The following AP3B1 variants were observed in gnomAD, a reference collection of about 807,000 sequenced individuals.
AP3B1 encodes the protein AP-3 complex subunit beta-1.
In AP3B1, 61 loss-of-function variants were observed where a neutral mutation model predicts 132.5. The ratio of observed to expected loss-of-function variants is 0.46; its 90% CI spans 0.37 to 0.57. AP3B1 has a LOEUF of 0.57. Ranked by LOEUF, AP3B1 falls within the 20% of genes least tolerant of loss-of-function variation. The pLI is 0.00. For missense variants in AP3B1, 1,120 were observed against 1,289.4 expected (o/e 0.87, Z 2.01); for synonymous variants, 388 against 438.3 (o/e 0.89, Z 1.43).
intron 2 of AP3B1, among the ~76,000 whole-genome samples, chr5:78,248,146 C>T (rs1247314832): frequency 2.0e-5 from 3 of 151,986 alleles, no homozygotes. Flanking sequence ...AATACAGAAA[C>T]AGCAAACCTT....
Position 78,181,669 on chromosome 5 carries a change from T to A in AP3B1, c.787-7A>T, listed in dbSNP as rs200438231. On this transcript the variant is annotated splice_region_variant and splice_polypyrimidine_tract_variant and intron_variant, in intron 7 of 26. Transcript: ENST00000255194. ...TGTCTTCTAATTCATCACCCTACAA[T>A]GAAAGAAATCCAACCCAAGATTACT... 6.2e-7 allele frequency: 1 copy of A among 1,610,662 alleles called. No individual in the cohort carries two copies. The highest frequency in any genetic ancestry group is 1.3e-5 in the African/African-American group (1 of 74,904).
At chr5:78,221,331 T>C (rs1234464035) in intron 6 of AP3B1, among the ~76,000 whole-genome samples, 5 of 151,792 alleles carry the variant, frequency 3.3e-5, no homozygotes, top group Non-Finnish European at 7.4e-5. Flanking sequence ...ACAATTCAAC[T>C]GGCAAAAATT....
rs576393149 is a variant in AP3B1 at position 78,196,000 on chromosome 5, T to C, written c.787-14338A>G. On this transcript the variant is annotated intron_variant, in intron 7 of 26. Transcript: ENST00000255194. The stretch of plus-strand genomic sequence containing the variant: ...ACTTTTAGATACAATACAAAAGACA[T>C]GGATCTGTGGAAGAAATAATTGATA... Among the ~76,000 whole-genome samples, 7 of 152,220 alleles carry C rather than the reference T, an allele frequency of 4.6e-5. No homozygotes were observed. In the South Asian group the frequency reaches 1.5e-3, roughly 32 times the overall value.
chr5:78,164,892 A>G (rs1437916137), intron 12 of AP3B1, among the ~76,000 whole-genome samples: 1 of 152,152 alleles, frequency 6.6e-6, no homozygotes, highest in African/African-American at 2.4e-5. Context: ...GAAGCTGATA[A>G]AAGAAAAACT....
intron 21 of AP3B1, among the ~76,000 whole-genome samples, chr5:78,089,850 A>G (rs1488428777): frequency 2.0e-5 from 3 of 152,202 alleles, no homozygotes; most frequent in Non-Finnish European, 4.4e-5. Context: ...AAGAATAACA[A>G]CCGCTTCCAA....
At chr5:78,034,505 A>G (rs766815091) in intron 23 of AP3B1, 60 bp from the exon 24 acceptor site, 26 of 1,268,928 alleles carry the variant, frequency 2.0e-5, no homozygotes, top group African/African-American at 2.9e-5. Context: ...AGGCAAACTA[A>G]ACACTGAAAA....
At chr5:78,272,893 C>G (rs1482210648) in intron 1 of AP3B1, among the ~76,000 whole-genome samples, 1 of 151,990 alleles carries the variant, frequency 6.6e-6, no homozygotes, top group Non-Finnish European at 1.5e-5. Context: ...ATCTATTTAA[C>G]AGGATCATTC....
intron 22 of AP3B1, among the ~76,000 whole-genome samples, chr5:78,055,109 T>C (rs1188175248): frequency 2.0e-5 from 3 of 151,784 alleles, no homozygotes; most frequent in Non-Finnish European, 2.9e-5. Flanking sequence ...TATTTTAAAA[T>C]TTTCAGTAAG....
At chr5:78,284,423 T>C (rs1228004860) in intron 1 of AP3B1, among the ~76,000 whole-genome samples, 2 of 152,186 alleles carry the variant, frequency 1.3e-5, no homozygotes, top group Non-Finnish European at 2.9e-5. Context: ...TTAAATCCTC[T>C]AGTGGAGCTA....
intron 7 of AP3B1, among the ~76,000 whole-genome samples, chr5:78,184,487 C>T (rs925310616): frequency 6.6e-6 from 1 of 151,750 alleles, no homozygotes; most frequent in African/African-American, 2.4e-5. Context: ...GAGATTGAGA[C>T]CATCCTGGCT....
In AP3B1 at chr5:78,267,549, T is replaced by C; in HGVS notation, c.175A>G (p.Lys59Glu). 1 of 1,611,800 alleles carries C rather than the reference T, an allele frequency of 6.2e-7. No individual in the cohort carries two copies. The highest frequency in any genetic ancestry group is 8.5e-7 in the Non-Finnish European group (1 of 1,178,654). Residue 59 changes from lysine (K) to glutamate (E), a missense_variant, in exon 2 of 27, where the codon AAA becomes GAA. Physicochemically the swap from Lys to Glu is moderately conservative, Grantham distance 56. Around this residue, in one of 3 missense-constraint regions of AP3B1, gnomAD observed 85 missense variants for 79.9 expected, o/e 1.06. Transcript: ENST00000255194. The part of the protein sequence containing the change: ...QMLESNKDSA[K>E]LDAMKRIVGM... ...ACAATCCGCTTCATAGCATCCAGTTTAGCAGAATCTTTGTTGCTCTCTAAC... is the reference window on the plus strand; with the variant it reads ...ACAATCCGCTTCATAGCATCCAGTTCAGCAGAATCTTTGTTGCTCTCTAAC...
intron 15 of AP3B1, among the ~76,000 whole-genome samples, chr5:78,137,871 T>G (rs1385711432): frequency 6.6e-6 from 1 of 152,188 alleles, no homozygotes; most frequent in African/African-American, 2.4e-5. Context: ...TAAAAATCAA[T>G]TTAGACATTC....
At chr5:78,294,334 T>C in intron 1 of AP3B1, 118 bp downstream of exon 1, 1 of 1,470,902 alleles carries the variant, frequency 6.8e-7, no homozygotes, top group Admixed American at 1.8e-5. Flanking sequence ...GTTACCGCCC[T>C]GCCCTGCTCA....
At chr5:78,172,133 C>T (rs768932229) in intron 11 of AP3B1, among the ~76,000 whole-genome samples, 3 of 152,166 alleles carry the variant, frequency 2.0e-5, no homozygotes, top group Non-Finnish European at 4.4e-5. Context: ...CTGCTGAATT[C>T]GGTTTGCCAT....
intron 22 of AP3B1, among the ~76,000 whole-genome samples, chr5:78,041,539 A>AC (rs1370231580): frequency 1.3e-5 from 2 of 151,850 alleles, no homozygotes; most frequent in African/African-American, 4.8e-5. Flanking sequence ...CGCCTGGGTG[A>AC]CAGAGCAAGA....
At chr5:78,221,116 G>T (rs541829808) in intron 6 of AP3B1, among the ~76,000 whole-genome samples, 2 of 152,154 alleles carry the variant, frequency 1.3e-5, no homozygotes, top group African/African-American at 4.8e-5. Flanking sequence ...GAAATAGTTT[G>T]GGGACATATA....
At chr5:78,145,156 T>C (rs889432513) in intron 14 of AP3B1, among the ~76,000 whole-genome samples, 16 of 152,236 alleles carry the variant, frequency 1.1e-4, no homozygotes, top group South Asian at 2.1e-4. Flanking sequence ...GTAAAATACA[T>C]TTAAACTTTA....
intron 1 of AP3B1, among the ~76,000 whole-genome samples, chr5:78,285,293 C>T (rs972256943): frequency 6.6e-6 from 1 of 152,044 alleles, no homozygotes; most frequent in Non-Finnish European, 1.5e-5. Flanking sequence ...TCTTCCTTCT[C>T]TCTTGAGCCC....
At chr5:78,156,184 G>T (rs1260489358) in intron 14 of AP3B1, 74 bp downstream of exon 14, 2 of 1,069,866 alleles carry the variant, frequency 1.9e-6, no homozygotes, top group African/African-American at 1.6e-5. Context: ...TTACCCTTTA[G>T]GCTGACCATT....
Sources: gnomAD v4.1 joint callset for allele counts (sites outside exome capture counted in the v4.1 genomes callset) on GRCh38, gnomAD v4.1.1 for gene constraint, gnomAD v4.1.1 regional missense constraint, MANE v1.5 for transcripts, NCBI Gene and HGNC (gene_info 2026-07-23, HGNC 2026-07-21) for gene names.